The following STUM variants were observed in gnomAD, a reference collection of about 807,000 sequenced individuals.
STUM encodes the protein protein stum homolog.
A neutral mutation model predicts 15.3 loss-of-function variants in STUM; 8 were observed. That is an observed-to-expected ratio of 0.52 (90% CI 0.31 to 0.94). STUM has a LOEUF of 0.94. STUM is among the 40% of genes least tolerant of loss of function. The probability of loss-of-function intolerance (pLI) is 0.05; values close to 1 mark genes in which losing one functional copy is unlikely to be tolerated. For missense variants in STUM, 142 were observed against 204.9 expected (o/e 0.69, Z 1.87); for synonymous variants, 78 against 88.7 (o/e 0.88, Z 0.68).
chr1:226,589,047 G>T (rs1473731404), intron 1 of STUM, among the ~76,000 whole-genome samples: 2 of 152,204 alleles, frequency 1.3e-5, no homozygotes, highest in African/African-American at 4.8e-5. Flanking sequence ...TGACATCTGG[G>T]ATCAAACAAC....
intron 1 of STUM, among the ~76,000 whole-genome samples, chr1:226,562,379 G>A (rs546586789): frequency 5.9e-5 from 9 of 151,376 alleles, no homozygotes; most frequent in Non-Finnish European, 1.3e-4. Context: ...TGATGCAGGA[G>A]AATCACTTGA....
At position 226,601,015 on chromosome 1, in the gene STUM, A is replaced by G. The variant is rs1668253818; in HGVS notation, c.391+341A>G. ...CTAAATGAAGAGAAAAAAGCAGCTC[A>G]ATACACCAAAGCTCCTCTTCAGACT... On this transcript the variant is annotated intron_variant, in intron 3 of 3. Transcript: ENST00000366788. Among the ~76,000 whole-genome samples, 4 of 152,232 alleles carry G rather than the reference A, an allele frequency of 2.6e-5. No homozygotes were observed. In the South Asian group the frequency reaches 8.3e-4, roughly 31 times the overall value.
intron 1 of STUM, among the ~76,000 whole-genome samples, chr1:226,580,797 G>A (rs1667906114): frequency 1.3e-5 from 2 of 152,206 alleles, no homozygotes; most frequent in Non-Finnish European, 2.9e-5. Context: ...TCACCATTGT[G>A]CCCCCAGCAC....
At chr1:226,580,867 G>T (rs1667907544) in intron 1 of STUM, among the ~76,000 whole-genome samples, 1 of 152,248 alleles carries the variant, frequency 6.6e-6, no homozygotes, top group Non-Finnish European at 1.5e-5. Flanking sequence ...ATAACAAAGA[G>T]ACCAGAAACA....
In STUM at chr1:226,600,462, T is replaced by C. The variant is rs1349169493; in HGVS notation, c.383-204T>C. The C allele has an allele frequency of 1.6e-6, 1 of 616,552 alleles. No individual in the cohort carries two copies. Among genetic ancestry groups the C allele is most frequent in the African/African-American group, 1.8e-5 (1 of 54,506 alleles). 38.2% of individuals were successfully genotyped at this position (616,552 alleles called of 1,614,324 possible). A position where few individuals can be genotyped will look rare whatever the true frequency, so the allele number is the denominator to read the frequency against. The stretch of plus-strand genomic sequence containing the variant: ...GGCAGACCACTGGCCACTGTGGCTG[T>C]CACCATGAGTACTGAGCACTCCCTG... On this transcript the variant is annotated intron_variant, in intron 2 of 3. Coordinates refer to ENST00000366788, the MANE Select transcript of STUM (RefSeq NM_001003665.4). This position sits in a 1 kb window ranked among gnomAD's most constrained non-coding sequence, Gnocchi z 5.2.
intron 1 of STUM, among the ~76,000 whole-genome samples, chr1:226,550,167 C>CT (rs1300734888): frequency 1.3e-5 from 2 of 152,200 alleles, no homozygotes; most frequent in East Asian, 1.9e-4. Flanking sequence ...CAGAGGCCAG[C>CT]TGGAAGGGGT....
At chr1:226,583,541 G>A (rs770981173) in intron 1 of STUM, among the ~76,000 whole-genome samples, 4 of 152,190 alleles carry the variant, frequency 2.6e-5, no homozygotes, top group Admixed American at 6.5e-5. Context: ...ACAGCATAAA[G>A]CAATTCTGTT....
rs568481461 is a variant in STUM, at chr1:226,558,250, C to G, written c.202+9144C>G. 2.6e-5 allele frequency among the ~76,000 whole-genome samples: 4 copies of G among 152,324 alleles called. No individual in the cohort carries two copies. In the East Asian group the frequency reaches 7.7e-4, roughly 29 times the overall value. ...AAACCTTACAGACTCCACCAAAAAA[C>G]TGTTAGAATATGTTAGAGTATAATA... is the stretch of plus-strand genomic sequence containing the variant. On this transcript the variant is annotated intron_variant, in intron 1 of 3. Coordinates refer to ENST00000366788, the MANE Select transcript of STUM (RefSeq NM_001003665.4).
chr1:226,601,058 G>A (rs1668254245), intron 3 of STUM, among the ~76,000 whole-genome samples: 1 of 152,174 alleles, frequency 6.6e-6, no homozygotes, highest in African/African-American at 2.4e-5. Flanking sequence ...CTGGCTAATA[G>A]GAATAACCGC....
At chr1:226,551,838 C>T (rs1013187975) in intron 1 of STUM, among the ~76,000 whole-genome samples, 2 of 152,010 alleles carry the variant, frequency 1.3e-5, no homozygotes, top group African/African-American at 4.8e-5. Context: ...TTCCTGGGGG[C>T]GAAGGAAGGG....
Position 226,549,448 on chromosome 1 carries a change from T to A in STUM, c.202+342T>A, listed in dbSNP as rs564351957. Among the ~76,000 whole-genome samples the A allele has an allele frequency of 4.6e-5, 7 of 152,192 alleles. No individual in the cohort carries two copies. The South Asian group carries it at 1.0e-3, about 23-fold the overall frequency. ...GGCGCCCCGATTTCTGCTCCTTCTCTCCGTCGTGTGCATCCGTCCGCGAGC... is the reference window on the plus strand; with the variant it reads ...GGCGCCCCGATTTCTGCTCCTTCTCACCGTCGTGTGCATCCGTCCGCGAGC... On this transcript the variant is annotated intron_variant, in intron 1 of 3. Transcript: ENST00000366788. The surrounding 1 kb of genome is among the most constrained non-coding windows in gnomAD (Gnocchi z 6.8).
At chr1:226,572,875 C>T (rs781463315) in intron 1 of STUM, among the ~76,000 whole-genome samples, 1 of 152,208 alleles carries the variant, frequency 6.6e-6, no homozygotes, top group Non-Finnish European at 1.5e-5. Flanking sequence ...GTCCAAGCCT[C>T]TCATTTTACA....
chr1:226,602,771 C>T lies in STUM; in HGVS notation c.*731C>T, dbSNP rs1470021497. On this transcript the variant is annotated 3_prime_UTR_variant, in exon 4 of 4. Coordinates refer to ENST00000366788, the MANE Select transcript of STUM (RefSeq NM_001003665.4). ...GGGGTGAAACTGCCAGATGTTTATA[C>T]ACAAAGTTATTAGACTGAAGCAGGA... 1.3e-5 allele frequency: 2 copies of T among 152,218 alleles called. No homozygotes were observed. The highest frequency in any genetic ancestry group is 4.8e-5 in the African/African-American group (2 of 41,458). The allele number at this position is 152,218 out of a possible 1,614,324, so 9.4% of individuals were successfully genotyped here.
intron 1 of STUM, among the ~76,000 whole-genome samples, chr1:226,593,256 T>G (rs1242970300): frequency 6.6e-6 from 1 of 151,314 alleles, no homozygotes; most frequent in African/African-American, 2.4e-5. Context: ...ATTGCATTGC[T>G]CTCCTGCTCA....
chr1:226,587,093 C>G (rs371561228), intron 1 of STUM, among the ~76,000 whole-genome samples: 1 of 152,112 alleles, frequency 6.6e-6, no homozygotes, highest in Non-Finnish European at 1.5e-5. Context: ...AGTTCTGTAG[C>G]GCAGCTCCCC....
In STUM at chr1:226,594,677, G is replaced by T. The variant is rs984968489; in HGVS notation, c.203-2125G>T. Among the ~76,000 whole-genome samples, 9 of 152,020 alleles carry T rather than the reference G, an allele frequency of 5.9e-5. No individual in the cohort carries two copies. The East Asian group carries it at 1.2e-3, about 20-fold the overall frequency. On this transcript the variant is annotated intron_variant, in intron 1 of 3. Coordinates refer to ENST00000366788, the MANE Select transcript of STUM (RefSeq NM_001003665.4). ...GGAGATTTTTTTTTTCTTTTGAGAT[G>T]GAGTTTCACTCTTGTTGCCCAGGCT...
rs144585988 is a variant in STUM at position 226,567,794 on chromosome 1, A to C, written c.202+18688A>C. On this transcript the variant is annotated intron_variant, in intron 1 of 3. Transcript: ENST00000366788. The surrounding 1 kb of genome is among the most constrained non-coding windows in gnomAD (Gnocchi z 4.5). ...CGCATTTGGCACCAGATGCTGCCTA[A>C]TTGAACACCTGAACACAGCTGAGGG... 3.9e-5 allele frequency among the ~76,000 whole-genome samples: 6 copies of C among 152,358 alleles called. No individual in the cohort carries two copies. In the East Asian group the frequency reaches 9.6e-4, roughly 24 times the overall value.
chr1:226,553,127 A>G (rs1267154250), intron 1 of STUM, among the ~76,000 whole-genome samples: 1 of 152,240 alleles, frequency 6.6e-6, no homozygotes, highest in Non-Finnish European at 1.5e-5. Context: ...GAAAGGAGAT[A>G]TGAGATTCAG....
At chr1:226,577,779 C>T (rs969503806) in intron 1 of STUM, among the ~76,000 whole-genome samples, 5 of 151,904 alleles carry the variant, frequency 3.3e-5, no homozygotes, top group African/African-American at 1.2e-4. Context: ...GTCCTGCAGT[C>T]TTCTCCCCAG....
Sources: gnomAD v4.1 joint callset for allele counts (sites outside exome capture counted in the v4.1 genomes callset) on GRCh38, gnomAD v4.1.1 for gene constraint, Gnocchi (gnomAD v3.1) non-coding constraint, MANE v1.5 for transcripts, NCBI Gene and HGNC (gene_info 2026-07-23, HGNC 2026-07-21) for gene names.